The following GNB4 variants were observed in gnomAD, a reference collection of about 807,000 sequenced individuals.
The protein encoded by GNB4 is G protein subunit beta 4.
A neutral mutation model predicts 45.2 loss-of-function variants in GNB4; 28 were observed. That is an observed-to-expected ratio of 0.62 (90% CI 0.46 to 0.85). The LOEUF (loss-of-function observed/expected upper bound fraction) is 0.85. Among genes scored for constraint, GNB4 ranks in the 40% least tolerant of loss-of-function variants. The probability of loss-of-function intolerance (pLI) is 0.00; values close to 1 mark genes in which losing one functional copy is unlikely to be tolerated. For missense variants in GNB4, 321 were observed against 425.4 expected (o/e 0.75, Z 2.16); for synonymous variants, 132 against 143.7 (o/e 0.92, Z 0.58).
At chr3:179,485,671 T>C in the GNB4 span, among the ~76,000 whole-genome samples, 1 of 152,198 alleles carries the variant, frequency 6.6e-6, no homozygotes, top group Non-Finnish European at 1.5e-5. Context: ...CTGGGCACGA[T>C]TGCTCATGCC....
At chr3:179,519,516 G>A in the GNB4 span, among the ~76,000 whole-genome samples, 7 of 152,220 alleles carry the variant, frequency 4.6e-5, 2 homozygotes, top group East Asian at 1.9e-4. Context: ...TTGATGGCCA[G>A]GCTTCTAAAC....
chr3:179,428,229 A>G (rs889948425), intron 1 of GNB4, among the ~76,000 whole-genome samples: 6 of 152,266 alleles, frequency 3.9e-5, no homozygotes, highest in Non-Finnish European at 5.9e-5. Context: ...CAGTTCCAGA[A>G]GAACTAAAAT....
chr3:179,429,371 T>C (rs1359822023), intron 1 of GNB4, among the ~76,000 whole-genome samples: 7 of 152,200 alleles, frequency 4.6e-5, no homozygotes, highest in South Asian at 2.1e-4. Flanking sequence ...CATCACACCA[T>C]GCTACTCACC....
the GNB4 span, among the ~76,000 whole-genome samples, chr3:179,507,494 T>C: frequency 6.6e-6 from 1 of 152,176 alleles, no homozygotes; most frequent in African/African-American, 2.4e-5. Flanking sequence ...AAATTCATTG[T>C]CATCAGGTCT....
chr3:179,472,296 C>G, the GNB4 span, among the ~76,000 whole-genome samples: 2 of 151,534 alleles, frequency 1.3e-5, no homozygotes, highest in South Asian at 4.2e-4. Context: ...TTTCAATATT[C>G]ACCAAATTTT....
rs1391864128 is a variant in GNB4, at chr3:179,405,111, T to C, written c.916+79A>G. 5.1e-6 allele frequency: 5 copies of C among 984,874 alleles called. No individual in the cohort carries two copies. In the Admixed American group the frequency reaches 6.5e-5, roughly 13 times the overall value. The allele number at this position is 984,874 out of a possible 1,614,324, so 61.0% of individuals were successfully genotyped here. On this transcript the variant is annotated intron_variant, in intron 9 of 9. Coordinates refer to ENST00000232564, the MANE Select transcript of GNB4 (RefSeq NM_021629.4). ...ACTTTCCACAACTCCAAGATGTCCA[T>C]GGAGGCCTAGAACACAACTGATGGG...
chr3:179,415,609 T>C (rs1253933829), intron 5 of GNB4, among the ~76,000 whole-genome samples: 1 of 150,594 alleles, frequency 6.6e-6, no homozygotes, highest in Admixed American at 6.6e-5. Context: ...CTTGTTACCC[T>C]AACACCAATC....
At chr3:179,512,853 G>T in the GNB4 span, among the ~76,000 whole-genome samples, 1 of 152,024 alleles carries the variant, frequency 6.6e-6, no homozygotes, top group Non-Finnish European at 1.5e-5. Flanking sequence ...AATCCTAAAG[G>T]TATCTATAAA....
At chr3:179,472,362 CTTTCTTTCTT>C in the GNB4 span, among the ~76,000 whole-genome samples, 1 of 122,540 alleles carries the variant, frequency 8.2e-6, no homozygotes, top group Admixed American at 9.4e-5. Flanking sequence ...CTTTCCTTTT[CTTTCTTTCTT>C]TTTTTTTTTT....
intron 9 of GNB4, among the ~76,000 whole-genome samples, chr3:179,403,066 G>A (rs1714351129): frequency 1.3e-5 from 2 of 152,154 alleles, no homozygotes; most frequent in Admixed American, 1.3e-4. Flanking sequence ...CTGGCAGCCA[G>A]TTTATACACT....
chr3:179,405,251 CAA>C lies in GNB4; in HGVS notation c.853_854del (p.Leu285ValfsTer6). 6.2e-7 allele frequency: 1 copy of C among 1,614,186 alleles called. No homozygotes were observed. Among genetic ancestry groups the C allele is most frequent in the Non-Finnish European group, 8.5e-7 (1 of 1,180,036 alleles). ...AATTAAAGTCATCGTAACCAGCCAA[CAA>C]GAGACGCCCACTTTTTGAGAAGGCT... ...SVAFSKSGRLLLAGYDDFNCN... is the reference protein window; with the variant it reads ...SVAFSKSGRLXLAGYDDFNCN... On this transcript the variant is annotated frameshift_variant, in exon 9 of 10. Coordinates refer to ENST00000232564, the MANE Select transcript of GNB4 (RefSeq NM_021629.4). LOFTEE classifies it high-confidence loss of function.
chr3:179,454,719 A>G (rs1404388573), upstream of GNB4, among the ~76,000 whole-genome samples: 1 of 152,206 alleles, frequency 6.6e-6, no homozygotes, highest in East Asian at 1.9e-4. Context: ...TAAAGTGTAC[A>G]ATATTTCAGT....
chr3:179,421,668 C>A (rs2108598111), intron 2 of GNB4, among the ~76,000 whole-genome samples: 1 of 152,336 alleles, frequency 6.6e-6, no homozygotes, highest in East Asian at 1.9e-4. Context: ...TTGTTCCAGT[C>A]AGCCGAGGGA....
chr3:179,508,810 T>C, the GNB4 span, among the ~76,000 whole-genome samples: 1 of 151,684 alleles, frequency 6.6e-6, no homozygotes, highest in Non-Finnish European at 1.5e-5. Flanking sequence ...GTAAAATTCA[T>C]GCATTAGATA....
the GNB4 span, among the ~76,000 whole-genome samples, chr3:179,496,043 T>C: frequency 3.9e-5 from 6 of 152,212 alleles, no homozygotes; most frequent in Non-Finnish European, 5.9e-5. Flanking sequence ...TATAGTCACA[T>C]TTGGAATACT....
intron 4 of GNB4, among the ~76,000 whole-genome samples, chr3:179,416,877 T>G (rs563313639): frequency 6.6e-6 from 1 of 152,316 alleles, no homozygotes; most frequent in South Asian, 2.1e-4. Context: ...CTTACTTAAA[T>G]TTCATGACAA....
Position 179,408,791 on chromosome 3 carries a change from C to CA in GNB4, c.700-3386dup, listed in dbSNP as rs1012481827. Among the ~76,000 whole-genome samples, 12 of 122,970 alleles carry CA rather than the reference C, an allele frequency of 9.8e-5. No homozygotes were observed. In the South Asian group the frequency reaches 1.7e-3, roughly 17 times the overall value. 80.7% of individuals were successfully genotyped at this position (122,970 alleles called of 152,430 possible). A position where few individuals can be genotyped will look rare whatever the true frequency, so the allele number is the denominator to read the frequency against. ...TGGGTGACAGAGCGAGAGTCAGTAT[C>CA]AAAAAAAAGAAAAAGAAAGAAACTC... is the stretch of plus-strand genomic sequence containing the variant. On this transcript the variant is annotated intron_variant, in intron 8 of 9. Transcript: ENST00000232564.
At chr3:179,488,917 G>A in the GNB4 span, among the ~76,000 whole-genome samples, 2 of 142,958 alleles carry the variant, frequency 1.4e-5, no homozygotes, top group East Asian at 4.3e-4. Flanking sequence ...CTGGGAGGTT[G>A]AGACTGCAGT....
chr3:179,480,164 C>G, the GNB4 span, among the ~76,000 whole-genome samples: 1 of 152,212 alleles, frequency 6.6e-6, no homozygotes, highest in Non-Finnish European at 1.5e-5. Flanking sequence ...AAGGCCTCGC[C>G]AGATGACAGT....
Sources: allele counts gnomAD v4.1 joint callset (sites outside exome capture counted in the v4.1 genomes callset), GRCh38; gene constraint gnomAD v4.1.1; transcripts MANE v1.5; gene names NCBI Gene and HGNC (gene_info 2026-07-23, HGNC 2026-07-21).